TBC1D15: variants seen among roughly 807,000 people sequenced by gnomAD.
TBC1D15 encodes the protein GAP for RAB7.
A neutral mutation model predicts 95.4 loss-of-function variants in TBC1D15; 39 were observed. The observed-to-expected ratio is 0.41, with a 90% CI of 0.32 to 0.53. TBC1D15 has a LOEUF of 0.53. TBC1D15 is among the 20% of genes least tolerant of loss of function. The pLI, the probability that TBC1D15 is intolerant of heterozygous loss-of-function variation, is 0.29. For synonymous variants in TBC1D15, 258 were observed against 261.3 expected (o/e 0.99, Z 0.12); for missense variants, 733 against 794.3 (o/e 0.92, Z 0.93).
chr12:71,852,941 C>G (rs1211351314), intron 1 of TBC1D15, among the ~76,000 whole-genome samples: 1 of 152,180 alleles, frequency 6.6e-6, no homozygotes, highest in Non-Finnish European at 1.5e-5. Context: ...TTACCCACTT[C>G]CAAAGCTGCA....
At chr12:71,922,863 A>T in intron 16 of TBC1D15, 120 bp from the exon 17 acceptor site, 1 of 938,922 alleles carries the variant, frequency 1.1e-6, no homozygotes, top group Non-Finnish European at 1.6e-6. Flanking sequence ...CATGACATTT[A>T]CACTGTTAGG....
chr12:71,913,745 G>A (rs1041768123), intron 11 of TBC1D15, 81 bp from the exon 12 acceptor site: 30 of 877,112 alleles, frequency 3.4e-5, no homozygotes, highest in Non-Finnish European at 5.1e-5. Flanking sequence ...AATTTTAAGC[G>A]AAATGGTGGT....
intron 12 of TBC1D15, among the ~76,000 whole-genome samples, chr12:71,914,646 T>C (rs752593437): frequency 3.3e-5 from 5 of 151,660 alleles, no homozygotes; most frequent in Non-Finnish European, 5.9e-5. Context: ...TACATAGAGG[T>C]TGCTGTGTTT....
chr12:71,866,074 A>G (rs1891435886), intron 1 of TBC1D15, among the ~76,000 whole-genome samples: 1 of 152,074 alleles, frequency 6.6e-6, no homozygotes, highest in Admixed American at 6.5e-5. Flanking sequence ...GGGCAAGTGT[A>G]CGTGGACTGA....
At chr12:71,898,431 T>C (rs867700635) in intron 10 of TBC1D15, among the ~76,000 whole-genome samples, 20 of 152,050 alleles carry the variant, frequency 1.3e-4, no homozygotes, top group Non-Finnish European at 1.0e-4. Context: ...AATAAATGAC[T>C]CCAGATATAA....
chr12:71,894,014 A>G (rs1034303978), intron 6 of TBC1D15, among the ~76,000 whole-genome samples: 1 of 152,026 alleles, frequency 6.6e-6, no homozygotes, highest in African/African-American at 2.4e-5. Context: ...AAAATGGACA[A>G]TAAAAGGATA....
At chr12:71,920,003 A>T (rs988879803) in intron 14 of TBC1D15, among the ~76,000 whole-genome samples, 12 of 152,102 alleles carry the variant, frequency 7.9e-5, no homozygotes, top group Non-Finnish European at 1.5e-4. Context: ...AACTTGATTT[A>T]CTCCTTTTGA....
chr12:71,840,056 G>A (rs577565701), intron 1 of TBC1D15, among the ~76,000 whole-genome samples: 9 of 152,322 alleles, frequency 5.9e-5, no homozygotes, highest in Admixed American at 2.0e-4. Context: ...CCAGAGCAGA[G>A]AGGCTTTTAT....
At chr12:71,846,311 C>T (rs1157109330) in intron 1 of TBC1D15, among the ~76,000 whole-genome samples, 1 of 152,156 alleles carries the variant, frequency 6.6e-6, no homozygotes, top group Admixed American at 6.5e-5. Flanking sequence ...TAAATAAGAG[C>T]CTGGAGGGCA....
intron 1 of TBC1D15, chr12:71,850,072 T>C: frequency 3.9e-6 from 2 of 519,170 alleles, no homozygotes; most frequent in Non-Finnish European, 7.4e-6. Flanking sequence ...TCGCTGTGAG[T>C]TTAAATTATG....
chr12:71,863,483 C>T (rs1285345693), intron 1 of TBC1D15, among the ~76,000 whole-genome samples: 1 of 152,164 alleles, frequency 6.6e-6, no homozygotes, highest in East Asian at 1.9e-4. Flanking sequence ...TCTCTTTTGA[C>T]AGTTGGACTA....
At chr12:71,867,519 G>A (rs1891745449) in intron 1 of TBC1D15, among the ~76,000 whole-genome samples, 1 of 152,234 alleles carries the variant, frequency 6.6e-6, no homozygotes, top group Non-Finnish European at 1.5e-5. Context: ...GAAACAAGGT[G>A]CTACAGGTTG....
chr12:71,893,850 T>C (rs556211880), intron 6 of TBC1D15, among the ~76,000 whole-genome samples: 4 of 151,882 alleles, frequency 2.6e-5, no homozygotes, highest in Admixed American at 1.3e-4. Flanking sequence ...AGATGGTTTA[T>C]TCATTTATTT....
chr12:71,880,124 TCTTG>T (rs1894831260), intron 3 of TBC1D15, among the ~76,000 whole-genome samples: 1 of 152,144 alleles, frequency 6.6e-6, no homozygotes, highest in Admixed American at 6.5e-5. Flanking sequence ...GCAGTGGTTC[TCTTG>T]CTTTTTATTT....
intron 11 of TBC1D15, among the ~76,000 whole-genome samples, chr12:71,912,545 G>C (rs116499047): frequency 0.015 from 2,264 of 152,174 alleles, 58 homozygotes; most frequent in African/African-American, 0.052. Flanking sequence ...TTGTGTGTTT[G>C]ATCTGAGTTT....
chr12:71,879,129 C>G (rs934440223), intron 3 of TBC1D15, among the ~76,000 whole-genome samples: 2 of 149,882 alleles, frequency 1.3e-5, no homozygotes, highest in African/African-American at 2.5e-5. Context: ...CTGTCTCTCT[C>G]TCTCTCTTTT....
chr12:71,846,327 C>T (rs1431939634), intron 1 of TBC1D15, among the ~76,000 whole-genome samples: 1 of 152,194 alleles, frequency 6.6e-6, no homozygotes, highest in Non-Finnish European at 1.5e-5. Context: ...GGGCATGAGA[C>T]ATTTTTATCC....
At chr12:71,862,659 AG>A (rs1255185186) in intron 1 of TBC1D15, among the ~76,000 whole-genome samples, 1 of 152,170 alleles carries the variant, frequency 6.6e-6, no homozygotes, top group African/African-American at 2.4e-5. Context: ...TTGATAGGTG[AG>A]GATTTATTCC....
chr12:71,854,220 T>G (rs1199955057), intron 1 of TBC1D15, among the ~76,000 whole-genome samples: 1 of 152,186 alleles, frequency 6.6e-6, no homozygotes, highest in Non-Finnish European at 1.5e-5. Flanking sequence ...TGCTGGGGAG[T>G]ATCATGAAAA....
Sources: allele counts gnomAD v4.1 joint callset (sites outside exome capture counted in the v4.1 genomes callset), GRCh38; gene constraint gnomAD v4.1.1; transcripts MANE v1.5; gene names NCBI Gene and HGNC (gene_info 2026-07-23, HGNC 2026-07-21).